RNFT2: variants seen among roughly 807,000 people sequenced by gnomAD.
RNFT2 encodes the protein E3 ubiquitin-protein ligase RNFT2.
A neutral mutation model predicts 53.0 loss-of-function variants in RNFT2; 36 were observed. That is an observed-to-expected ratio of 0.68 (90% CI 0.52 to 0.90). The LOEUF (loss-of-function observed/expected upper bound fraction) is 0.90. Ranked by LOEUF, RNFT2 falls within the 40% of genes least tolerant of loss-of-function variation. The probability of loss-of-function intolerance (pLI) is 0.00; values close to 1 mark genes in which losing one functional copy is unlikely to be tolerated. For missense variants in RNFT2, 514 were observed against 585.6 expected (o/e 0.88, Z 1.26); for synonymous variants, 260 against 253.2 (o/e 1.03, Z -0.26).
intron 7 of RNFT2, among the ~76,000 whole-genome samples, chr12:116,826,013 A>G (rs1341596022): frequency 6.6e-6 from 1 of 152,026 alleles, no homozygotes; most frequent in Admixed American, 6.6e-5. Flanking sequence ...CTGTCTGTGC[A>G]TTTTTCATAC....
At chr12:116,805,720 T>C (rs1875015060) in intron 7 of RNFT2, among the ~76,000 whole-genome samples, 1 of 152,192 alleles carries the variant, frequency 6.6e-6, no homozygotes, top group South Asian at 2.1e-4. Flanking sequence ...CTGATCTGCC[T>C]GTCTCGGCTT....
intron 3 of RNFT2, among the ~76,000 whole-genome samples, chr12:116,745,554 C>A (rs1264284563): frequency 6.6e-6 from 1 of 152,164 alleles, no homozygotes; most frequent in East Asian, 1.9e-4. Flanking sequence ...AGCCACCATG[C>A]CTGGCCTCAC....
At position 116,852,748 on chromosome 12, in the gene RNFT2, A is replaced by G; in HGVS notation, c.*3300A>G. On this transcript the variant is annotated 3_prime_UTR_variant, in exon 11 of 11. Coordinates refer to ENST00000257575, the MANE Select transcript of RNFT2 (RefSeq NM_001382266.1). ...CAGTCTGCTGGGAGTCAGACCTGGAATTCTGATTCCAAACTCTTTATTACT... is the reference window on the plus strand; with the variant it reads ...CAGTCTGCTGGGAGTCAGACCTGGAGTTCTGATTCCAAACTCTTTATTACT... 1 of 1,596,586 alleles carries G rather than the reference A, an allele frequency of 6.3e-7. No individual in the cohort carries two copies. Among genetic ancestry groups the G allele is most frequent in the Non-Finnish European group, 8.6e-7 (1 of 1,164,046 alleles).
chr12:116,848,003 C>T (rs1404152839), intron 10 of RNFT2, among the ~76,000 whole-genome samples: 2 of 152,146 alleles, frequency 1.3e-5, no homozygotes, highest in East Asian at 3.9e-4. Context: ...CTCCCTCCCC[C>T]AGCCCCCGCA....
At chr12:116,797,731 G>T (rs1362895221) in intron 7 of RNFT2, among the ~76,000 whole-genome samples, 1 of 150,020 alleles carries the variant, frequency 6.7e-6, no homozygotes, top group Non-Finnish European at 1.5e-5. Context: ...ACAGCACCGT[G>T]ACTACTCCTG....
chr12:116,764,694 C>T (rs889325724), intron 5 of RNFT2, among the ~76,000 whole-genome samples: 3 of 152,180 alleles, frequency 2.0e-5, no homozygotes, highest in African/African-American at 7.2e-5. Context: ...CAGTTCGAGA[C>T]CAGCTTGGCC....
Position 116,824,476 on chromosome 12 carries a change from C to T in RNFT2, c.883-9316C>T, listed in dbSNP as rs7963851. Among the ~76,000 whole-genome samples, 1,224 of 152,198 alleles carry T rather than the reference C, an allele frequency of 8.0e-3. 6 individuals are homozygous for T. The highest frequency in any genetic ancestry group is 0.028 in the African/African-American group (1,154 of 41,518). On this transcript the variant is annotated intron_variant, in intron 7 of 10. Coordinates refer to ENST00000257575, the MANE Select transcript of RNFT2 (RefSeq NM_001382266.1). Reference sequence around the variant, plus strand: ...ATGTAAAGGCCAAAGATAAGCAGCCCGAGCCTGGGAGTATGACACCTTCCA... The same window carrying T: ...ATGTAAAGGCCAAAGATAAGCAGCCTGAGCCTGGGAGTATGACACCTTCCA...
intron 2 of RNFT2, 144 bp from the exon 3 acceptor site, chr12:116,740,892 T>C: frequency 1.4e-6 from 1 of 704,136 alleles, no homozygotes; most frequent in Admixed American, 2.3e-5. Flanking sequence ...GCATGAAAGA[T>C]TGAAACATAC....
intron 7 of RNFT2, 59 bp downstream of exon 7, chr12:116,779,407 A>C (rs17500871): frequency 0.037 from 59,460 of 1,586,530 alleles, 1,218 homozygotes; most frequent in African/African-American, 0.066. Flanking sequence ...CAGAGGATTC[A>C]GGGTGCCTTC....
At chr12:116,845,836 C>G (rs1480883866) in intron 10 of RNFT2, among the ~76,000 whole-genome samples, 2 of 152,132 alleles carry the variant, frequency 1.3e-5, no homozygotes, top group Non-Finnish European at 2.9e-5. Flanking sequence ...ACAGCCACAT[C>G]AGCTATCTTC....
At position 116,851,880 on chromosome 12, in the gene RNFT2, A is replaced by G; in HGVS notation, c.*2432A>G. 1 of 1,535,566 alleles carries G rather than the reference A, an allele frequency of 6.5e-7. No homozygotes were observed. Among genetic ancestry groups the G allele is most frequent in the Middle Eastern group, 1.7e-4 (1 of 5,994 alleles). On this transcript the variant is annotated 3_prime_UTR_variant, in exon 11 of 11. Coordinates refer to ENST00000257575, the MANE Select transcript of RNFT2 (RefSeq NM_001382266.1). ...GTCTTTCTCCTCTTCCTATTCTGTC[A>G]TCTCCCTCACTTAAGTCTCAGGCCT...
At chr12:116,810,650 G>C (rs896002432) in intron 7 of RNFT2, among the ~76,000 whole-genome samples, 8 of 152,242 alleles carry the variant, frequency 5.3e-5, no homozygotes, top group South Asian at 2.1e-4. Context: ...TGGGGTGCTG[G>C]GGGAATTAAT....
chr12:116,852,140 C>A lies in RNFT2; in HGVS notation c.*2692C>A, dbSNP rs1219916841. 30 of 1,025,854 alleles carry A rather than the reference C, an allele frequency of 2.9e-5. 1 individual carries two copies. Among genetic ancestry groups the A allele is most frequent in the Non-Finnish European group, 3.9e-5 (29 of 741,366 alleles). The allele number at this position is 1,025,854 out of a possible 1,614,324, so 63.5% of individuals were successfully genotyped here. ...GCAGAAGCCACCAGAATCTTGCCTG[C>A]CCTATTCCTCCTCCCAAGTCTGTTC... On this transcript the variant is annotated 3_prime_UTR_variant, in exon 11 of 11. Transcript: ENST00000257575.
intron 7 of RNFT2, among the ~76,000 whole-genome samples, chr12:116,781,948 A>G (rs11068184): frequency 0.089 from 13,529 of 151,820 alleles, 1,683 homozygotes; most frequent in African/African-American, 0.28. Flanking sequence ...GCGTGGCAGC[A>G]TGCGCCTGTA....
At chr12:116,750,860 T>A (rs866956575) in intron 4 of RNFT2, among the ~76,000 whole-genome samples, 10 of 2,072 alleles carry the variant, frequency 4.8e-3, no homozygotes, top group East Asian at 0.033. Flanking sequence ...TAATATATAT[T>A]ATATATATAT....
intron 7 of RNFT2, among the ~76,000 whole-genome samples, chr12:116,809,406 C>T (rs1182023581): frequency 2.0e-5 from 3 of 152,156 alleles, no homozygotes; most frequent in African/African-American, 7.2e-5. Flanking sequence ...TCCAGCGCTT[C>T]TTTGAAGTCC....
intron 7 of RNFT2, among the ~76,000 whole-genome samples, chr12:116,785,371 C>T (rs1336116519): frequency 6.6e-6 from 1 of 151,856 alleles, no homozygotes; most frequent in Non-Finnish European, 1.5e-5. Context: ...CAGTTCACTG[C>T]AGCCTCAACC....
chr12:116,853,236 T>C lies in RNFT2; in HGVS notation c.*3788T>C. ...TGCCACTCTCTTTTATGTATCTTGGTTCTGCAACTCATTTGTTGTAAGTAG... is the reference window on the plus strand; with the variant it reads ...TGCCACTCTCTTTTATGTATCTTGGCTCTGCAACTCATTTGTTGTAAGTAG... On this transcript the variant is annotated 3_prime_UTR_variant, in exon 11 of 11. Transcript: ENST00000257575. The C allele has an allele frequency of 2.5e-6, 1 of 399,132 alleles. No homozygotes were observed. Among genetic ancestry groups the C allele is most frequent in the African/African-American group, 2.1e-5 (1 of 48,770 alleles). The allele number at this position is 399,132 out of a possible 1,614,324, so 24.7% of individuals were successfully genotyped here. A position where few individuals can be genotyped will look rare whatever the true frequency, so the allele number is the denominator to read the frequency against.
chr12:116,743,173 G>A (rs190774186), intron 3 of RNFT2, among the ~76,000 whole-genome samples: 13 of 121,056 alleles, frequency 1.1e-4, no homozygotes, highest in East Asian at 2.6e-4. Flanking sequence ...AACTTTGGCC[G>A]TTAGTTTGGC....
Sources: allele counts gnomAD v4.1 joint callset (sites outside exome capture counted in the v4.1 genomes callset), GRCh38; gene constraint gnomAD v4.1.1; transcripts MANE v1.5; gene names NCBI Gene and HGNC (gene_info 2026-07-23, HGNC 2026-07-21).